Variants in NKAIN3 observed in about 807,000 individuals in gnomAD.
The protein encoded by NKAIN3 is sodium/potassium transporting ATPase interacting 3.
In NKAIN3, 25 loss-of-function variants were observed where a neutral mutation model predicts 30.2. That is an observed-to-expected ratio of 0.83 (90% CI 0.60 to 1.16). The LOEUF is 1.16. Ranked by LOEUF, NKAIN3 falls within the 50% of genes most tolerant of loss-of-function variation. The pLI is 0.00. For synonymous variants in NKAIN3, 91 were observed against 89.6 expected (o/e 1.02, Z -0.09); for missense variants, 225 against 254.1 (o/e 0.89, Z 0.78).
At chr8:62,736,898 C>T (rs1203049987) in intron 3 of NKAIN3, among the ~76,000 whole-genome samples, 1 of 152,106 alleles carries the variant, frequency 6.6e-6, no homozygotes, top group African/African-American at 2.4e-5. Context: ...TTCCTCTAGC[C>T]CTATATTTTC....
chr8:62,863,018 T>G (rs1586282436), intron 4 of NKAIN3: 1 of 634,084 alleles, frequency 1.6e-6, no homozygotes, highest in East Asian at 2.9e-5. Flanking sequence ...TAACCACACG[T>G]GTACATGCAA....
intron 1 of NKAIN3, among the ~76,000 whole-genome samples, chr8:62,497,725 GA>G (rs2129656557): frequency 6.6e-6 from 1 of 152,204 alleles, no homozygotes; most frequent in South Asian, 2.1e-4. Flanking sequence ...ACCTGACACT[GA>G]AGCTCAGGAG....
intron 2 of NKAIN3, among the ~76,000 whole-genome samples, chr8:62,588,190 T>TA (rs1212527193): frequency 6.6e-6 from 1 of 151,862 alleles, no homozygotes; most frequent in Non-Finnish European, 1.5e-5. Flanking sequence ...AAACACTAGA[T>TA]GCCATCTTGC....
At chr8:62,690,519 G>T (rs148531575) in intron 3 of NKAIN3, among the ~76,000 whole-genome samples, 79 of 152,282 alleles carry the variant, frequency 5.2e-4, no homozygotes, top group African/African-American at 1.9e-3. Context: ...TTCCAAATTC[G>T]TCACTGGAAA....
At position 62,341,384 on chromosome 8, in the gene NKAIN3, A is replaced by G. The variant is rs551456185; in HGVS notation, c.54+92257A>G. Among the ~76,000 whole-genome samples the G allele has an allele frequency of 4.6e-5, 7 of 152,202 alleles. No homozygotes were observed. The South Asian group carries it at 1.4e-3, about 32-fold the overall frequency. ...ATGTTAACGATAACAGTTAGTCTAG[A>G]TGAAATTCATTCTAGAAATAATACA... On this transcript the variant is annotated intron_variant, in intron 1 of 6. Coordinates refer to ENST00000623646, the MANE Select transcript of NKAIN3 (RefSeq NM_001304533.3).
At chr8:62,667,929 G>A (rs893106078) in intron 3 of NKAIN3, among the ~76,000 whole-genome samples, 12 of 152,086 alleles carry the variant, frequency 7.9e-5, no homozygotes, top group Non-Finnish European at 1.5e-4. Flanking sequence ...TTACCACCAG[G>A]AAACAGCTAT....
intron 1 of NKAIN3, among the ~76,000 whole-genome samples, chr8:62,493,910 G>T (rs1162315901): frequency 1.3e-5 from 2 of 151,980 alleles, no homozygotes; most frequent in African/African-American, 4.8e-5. Context: ...TTTTTTAGAT[G>T]AAGGAGCTTT....
At chr8:62,803,122 G>A (rs977560096) in intron 4 of NKAIN3, among the ~76,000 whole-genome samples, 1 of 152,058 alleles carries the variant, frequency 6.6e-6, no homozygotes, top group African/African-American at 2.4e-5. Flanking sequence ...AGCAAGTCCT[G>A]AGTGACCTAC....
rs370105937 is a variant in NKAIN3 at position 62,402,432 on chromosome 8, C to A, written c.54+153305C>A. On this transcript the variant is annotated intron_variant, in intron 1 of 6. Coordinates refer to ENST00000623646, the MANE Select transcript of NKAIN3 (RefSeq NM_001304533.3). ...TGATATGGTTTGGCTGTGTCCCCAC[C>A]CAAATCTCATTTTGAATTGTACTTT... 2.2e-3 allele frequency among the ~76,000 whole-genome samples: 337 copies of A among 152,268 alleles called. 10 individuals are homozygous for A. In the South Asian group the frequency reaches 0.067, roughly 30 times the overall value.
Position 62,974,778 on chromosome 8 carries a change from G to T in NKAIN3, c.*9371G>T, listed in dbSNP as rs1326115558. 6.6e-6 allele frequency among the ~76,000 whole-genome samples: 1 copy of T among 152,182 alleles called. No homozygotes were observed. Among genetic ancestry groups the T allele is most frequent in the African/African-American group, 2.4e-5 (1 of 41,452 alleles). ...AGTGCTTCCAGTTTTTGCCCATTCA[G>T]TGTGATATTGGCTGTGGGTTTGTCA... On this transcript the variant is annotated 3_prime_UTR_variant, in exon 7 of 7. Coordinates refer to ENST00000623646, the MANE Select transcript of NKAIN3 (RefSeq NM_001304533.3).
Position 62,525,836 on chromosome 8 carries a change from G to A in NKAIN3, c.55-53703G>A, listed in dbSNP as rs183350185. On this transcript the variant is annotated intron_variant, in intron 1 of 6. Coordinates refer to ENST00000623646, the MANE Select transcript of NKAIN3 (RefSeq NM_001304533.3). ...AGGTGTTTGTAAGATTGTTGTTAGT[G>A]GTTTTCCTATCTAAAGTTTCAAAAA... 3.3e-5 allele frequency among the ~76,000 whole-genome samples: 5 copies of A among 152,172 alleles called. No homozygotes were observed. The South Asian group carries it at 1.0e-3, about 32-fold the overall frequency.
chr8:62,728,920 G>A (rs1474449680), intron 3 of NKAIN3, among the ~76,000 whole-genome samples: 1 of 150,396 alleles, frequency 6.6e-6, no homozygotes. Context: ...AACCCGGAAG[G>A]CGGAGCTTGC....
At position 62,966,127 on chromosome 8, in the gene NKAIN3, A is replaced by G. The variant is rs1823705816; in HGVS notation, c.*720A>G. The G allele has an allele frequency of 9.1e-6, 9 of 985,188 alleles. No homozygotes were observed. Among genetic ancestry groups the G allele is most frequent in the Non-Finnish European group, 1.1e-5 (9 of 829,844 alleles). 61.0% of individuals were successfully genotyped at this position (985,188 alleles called of 1,614,324 possible). On this transcript the variant is annotated 3_prime_UTR_variant, in exon 7 of 7. Transcript: ENST00000623646. ...GGGAATATGGGTGTCTCTGAGGTCC[A>G]TATTTTCTACTCATTATTCCATTCC...
intron 4 of NKAIN3, among the ~76,000 whole-genome samples, chr8:62,770,111 T>C (rs976118032): frequency 6.6e-6 from 1 of 152,156 alleles, no homozygotes; most frequent in African/African-American, 2.4e-5. Context: ...CATGATTATT[T>C]TACATTACAC....
rs546963695 is a variant in NKAIN3 at position 62,929,928 on chromosome 8, C to CAAAAAATTAGACA, written c.532+11415_532+11416insAAAAAATTAGACA. 2.1e-4 allele frequency among the ~76,000 whole-genome samples: 32 copies of CAAAAAATTAGACA among 152,148 alleles called. No homozygotes were observed. In the South Asian group the frequency reaches 6.2e-3, roughly 30 times the overall value. Reference sequence around the variant, plus strand: ...GCCCAAGACAATTCTTCCAATGTGTCCCAGGGAAGCCAAAAAATTAGACAC... The same window carrying CAAAAAATTAGACA: ...GCCCAAGACAATTCTTCCAATGTGTCAAAAAATTAGACACCAGGGAAGCCAAAAAATTAGACAC... On this transcript the variant is annotated intron_variant, in intron 5 of 6. Transcript: ENST00000623646.
intron 3 of NKAIN3, among the ~76,000 whole-genome samples, chr8:62,683,866 G>A (rs533190056): frequency 3.9e-5 from 6 of 152,252 alleles, no homozygotes; most frequent in Non-Finnish European, 7.4e-5. Flanking sequence ...GAATGAGGAG[G>A]CAGTTCCTGT....
chr8:62,977,203 G>A lies in NKAIN3; in HGVS notation c.*11796G>A, dbSNP rs1468026367. Among the ~76,000 whole-genome samples the A allele has an allele frequency of 6.6e-6, 1 of 152,122 alleles. No individual in the cohort carries two copies. Among genetic ancestry groups the A allele is most frequent in the African/African-American group, 2.4e-5 (1 of 41,426 alleles). Reference sequence around the variant, plus strand: ...AAAGAGTATCTTTGTGGTGTTCTCTGTATTTCCTGAATTTGTATTCTGTAT... The same window carrying A: ...AAAGAGTATCTTTGTGGTGTTCTCTATATTTCCTGAATTTGTATTCTGTAT... On this transcript the variant is annotated 3_prime_UTR_variant, in exon 7 of 7. Coordinates refer to ENST00000623646, the MANE Select transcript of NKAIN3 (RefSeq NM_001304533.3).
intron 1 of NKAIN3, among the ~76,000 whole-genome samples, chr8:62,545,791 A>G (rs1390854856): frequency 1.3e-5 from 2 of 152,178 alleles, no homozygotes; most frequent in African/African-American, 2.4e-5. Context: ...ACCATTTTGC[A>G]TAGGTATGTA....
chr8:62,500,153 C>G (rs1807380617), intron 1 of NKAIN3, among the ~76,000 whole-genome samples: 1 of 152,026 alleles, frequency 6.6e-6, no homozygotes, highest in Non-Finnish European at 1.5e-5. Flanking sequence ...ATTTTGCATT[C>G]CAGCAACCTG....
Sources: allele counts gnomAD v4.1 joint callset (sites outside exome capture counted in the v4.1 genomes callset), GRCh38; gene constraint gnomAD v4.1.1; transcripts MANE v1.5; gene names NCBI Gene and HGNC (gene_info 2026-07-23, HGNC 2026-07-21).